ACAD9: variants seen among roughly 807,000 people sequenced by gnomAD.
The protein encoded by ACAD9 is complex I assembly factor ACAD9, mitochondrial.
In ACAD9, 53 loss-of-function variants were observed where a neutral mutation model predicts 70.2. That is an observed-to-expected ratio of 0.75 (90% CI 0.61 to 0.95). The LOEUF is 0.95. Among genes scored for constraint, ACAD9 ranks in the 40% least tolerant of loss-of-function variants. The pLI is 0.00. For missense variants in ACAD9, 777 were observed against 802.8 expected (o/e 0.97, Z 0.39); for synonymous variants, 313 against 312.1 (o/e 1.00, Z -0.03).
At chr3:128,885,350 T>G (rs1381236142) in intron 2 of ACAD9, among the ~76,000 whole-genome samples, 2 of 152,224 alleles carry the variant, frequency 1.3e-5, no homozygotes, top group Non-Finnish European at 2.9e-5. Context: ...TATATGAATT[T>G]TATCTATCAA....
Position 128,906,158 on chromosome 3 carries a change from A to T in ACAD9, c.1187A>T (p.Glu396Val). ...SSEAAWQCVS[E>V]ALQILGGLGY... ...GAGGCCGCCTGGCAGTGTGTGAGTG[A>T]GGCGCTGCAGATCCTCGGGGGCTTG... is the stretch of plus-strand genomic sequence containing the variant. Residue 396 changes from glutamate to valine, a missense_variant, in exon 12 of 18, where the codon GAG (glutamate) becomes GTG (valine). Transcript: ENST00000308982. 6.2e-7 allele frequency: 1 copy of T among 1,614,188 alleles called. No individual in the cohort carries two copies. Among genetic ancestry groups the T allele is most frequent in the Non-Finnish European group, 8.5e-7 (1 of 1,180,030 alleles).
intron 12 of ACAD9, among the ~76,000 whole-genome samples, chr3:128,907,019 C>T (rs149728874): frequency 5.5e-4 from 83 of 152,124 alleles, no homozygotes; most frequent in African/African-American, 1.9e-3. Flanking sequence ...GGGATGAGGC[C>T]GGAGACCAGG....
intron 15 of ACAD9, 184 bp downstream of exon 15, chr3:128,909,605 A>G (rs1473003235): frequency 3.0e-6 from 2 of 675,656 alleles, no homozygotes; most frequent in Non-Finnish European, 5.1e-6. Context: ...AGCTACTCGG[A>G]TGGGTACCCT....
chr3:128,901,229 G>T, intron 7 of ACAD9, 47 bp from the exon 8 acceptor site: 1 of 1,556,400 alleles, frequency 6.4e-7, no homozygotes, highest in South Asian at 1.1e-5. Context: ...GTCAGATGCA[G>T]AGTGGTTTGC....
intron 2 of ACAD9, 95 bp downstream of exon 2, chr3:128,884,841 T>C: frequency 1.0e-6 from 1 of 992,590 alleles, no homozygotes; most frequent in South Asian, 1.3e-5. Context: ...AGAAGTCTTC[T>C]TGAGGGAGAA....
At chr3:128,905,292 C>CT (rs1366128185) in intron 11 of ACAD9, among the ~76,000 whole-genome samples, 1 of 152,204 alleles carries the variant, frequency 6.6e-6, no homozygotes, top group Admixed American at 6.5e-5. Flanking sequence ...GGAAGAGCAT[C>CT]TTATTTGGTT....
intron 17 of ACAD9, among the ~76,000 whole-genome samples, chr3:128,911,394 C>T (rs1024648615): frequency 1.3e-5 from 2 of 152,044 alleles, no homozygotes; most frequent in African/African-American, 4.8e-5. Flanking sequence ...GTGCAGAGCC[C>T]TTTGCGCAGG....
At chr3:128,909,953 C>G (rs1410321425) in intron 15 of ACAD9, 68 bp from the exon 16 acceptor site, 2 of 1,593,870 alleles carry the variant, frequency 1.3e-6, no homozygotes, top group Admixed American at 3.6e-5. Context: ...AAGATGCAGC[C>G]CAGGGAGGGA....
intron 2 of ACAD9, among the ~76,000 whole-genome samples, chr3:128,886,720 A>C (rs1445282706): frequency 6.6e-6 from 1 of 151,644 alleles, no homozygotes; most frequent in Non-Finnish European, 1.5e-5. Flanking sequence ...AAAAGAAAAA[A>C]AAAAGAAAAG....
At chr3:128,899,554 G>C in intron 7 of ACAD9, 93 bp downstream of exon 7, 1 of 1,421,292 alleles carries the variant, frequency 7.0e-7, no homozygotes, top group Non-Finnish European at 9.6e-7. Flanking sequence ...GTGTGTGTGT[G>C]TGTGTGTGTA....
chr3:128,903,912 T>C, intron 9 of ACAD9, 150 bp from the exon 10 acceptor site: 1 of 774,110 alleles, frequency 1.3e-6, no homozygotes, highest in Non-Finnish European at 2.2e-6. Flanking sequence ...TGCTGGCAAG[T>C]GGGGGTGCCA....
At chr3:128,894,875 T>G (rs1935525405) in intron 3 of ACAD9, among the ~76,000 whole-genome samples, 2 of 122,314 alleles carry the variant, frequency 1.6e-5, no homozygotes, top group African/African-American at 6.9e-5. Context: ...TATTGTGATT[T>G]TTTTTTTTTT....
chr3:128,887,644 A>ATATATAT (rs1935291126), intron 2 of ACAD9, among the ~76,000 whole-genome samples: 3 of 133,114 alleles, frequency 2.3e-5, no homozygotes, highest in South Asian at 2.6e-4. Context: ...AAAATAAATA[A>ATATATAT]ATATATATAT....
chr3:128,889,850 C>T, intron 2 of ACAD9, among the ~76,000 whole-genome samples: 1 of 152,038 alleles, frequency 6.6e-6, no homozygotes, highest in Non-Finnish European at 1.5e-5. Flanking sequence ...GAGACAGGGT[C>T]TTTCTTTGTT....
At chr3:128,892,928 C>G (rs564471499) in intron 2 of ACAD9, among the ~76,000 whole-genome samples, 40 of 152,132 alleles carry the variant, frequency 2.6e-4, no homozygotes, top group African/African-American at 9.2e-4. Context: ...GTTTAACATG[C>G]CTATAGAAAA....
At chr3:128,895,616 C>T (rs549870463) in intron 4 of ACAD9, among the ~76,000 whole-genome samples, 200 bp downstream of exon 4, 9 of 152,334 alleles carry the variant, frequency 5.9e-5, no homozygotes, top group Admixed American at 2.6e-4. Flanking sequence ...GCCTTTGGGT[C>T]GCATGTCCCT....
At chr3:128,893,916 A>G (rs1935494274) in intron 3 of ACAD9, among the ~76,000 whole-genome samples, 1 of 152,052 alleles carries the variant, frequency 6.6e-6, no homozygotes, top group Non-Finnish European at 1.5e-5. Context: ...ACCAGTGGGA[A>G]CCTTTGAGCA....
chr3:128,899,832 G>A (rs1935685202), intron 7 of ACAD9, among the ~76,000 whole-genome samples: 1 of 152,134 alleles, frequency 6.6e-6, no homozygotes, highest in Non-Finnish European at 1.5e-5. Context: ...CCTGCTTCAG[G>A]CTGTGAGTTG....
At chr3:128,911,049 A>G (rs545448106) in intron 17 of ACAD9, among the ~76,000 whole-genome samples, 119 of 151,920 alleles carry the variant, frequency 7.8e-4, no homozygotes, top group Admixed American at 1.5e-3. Context: ...GTGTGTGTGT[A>G]TGTATGTATG....
Sources: gnomAD v4.1 joint callset for allele counts (sites outside exome capture counted in the v4.1 genomes callset) on GRCh38, gnomAD v4.1.1 for gene constraint, MANE v1.5 for transcripts, NCBI Gene and HGNC (gene_info 2026-07-23, HGNC 2026-07-21) for gene names.